HEATR5B: variants seen among roughly 807,000 people sequenced by gnomAD.
The protein encoded by HEATR5B is HEAT repeat containing 5B.
A neutral mutation model predicts 224.1 loss-of-function variants in HEATR5B; 156 were observed. That is an observed-to-expected ratio of 0.70 (90% confidence interval 0.61 to 0.80). The LOEUF is 0.80. HEATR5B is among the 30% of genes least tolerant of loss of function. The pLI, the probability that HEATR5B is intolerant of heterozygous loss-of-function variation, is 0.00. For missense variants in HEATR5B, 2,323 were observed against 2,535.5 expected (o/e 0.92, Z 1.80); for synonymous variants, 1,027 against 893.0 (o/e 1.15, Z -2.68).
intron 30 of HEATR5B, among the ~76,000 whole-genome samples, chr2:37,004,333 G>T (rs1244607649): frequency 6.7e-6 from 1 of 150,252 alleles, no homozygotes; most frequent in Non-Finnish European, 1.5e-5. Flanking sequence ...ACTTCCTAGG[G>T]ATTCTTCAAG....
At chr2:37,075,125 G>A (rs138764461) in intron 5 of HEATR5B, among the ~76,000 whole-genome samples, 49 of 152,250 alleles carry the variant, frequency 3.2e-4, no homozygotes, top group African/African-American at 1.2e-3. Flanking sequence ...GATGTTCACA[G>A]CAGTTTTTTT....
chr2:36,996,281 G>C (rs1666700015), intron 33 of HEATR5B, among the ~76,000 whole-genome samples: 1 of 151,738 alleles, frequency 6.6e-6, no homozygotes, highest in Non-Finnish European at 1.5e-5. Flanking sequence ...GGCTGGTCTT[G>C]AACTCCTGCC....
chr2:37,014,854 G>A (rs1558733695), intron 26 of HEATR5B, among the ~76,000 whole-genome samples: 1 of 151,960 alleles, frequency 6.6e-6, no homozygotes, highest in African/African-American at 2.4e-5. Context: ...ATGGTGGCGT[G>A]TGTCTGTAAT....
chr2:37,064,997 A>G lies in HEATR5B; in HGVS notation c.1334-7T>C, dbSNP rs778014715. On this transcript the variant is annotated splice_polypyrimidine_tract_variant and splice_region_variant and intron_variant, in intron 9 of 35. Transcript: ENST00000233099. ...GTCACAATCTCCAAAAGCCCTAAACAAGAAATACTCAAAATATTACTCTTT... is the reference window on the plus strand; with the variant it reads ...GTCACAATCTCCAAAAGCCCTAAACGAGAAATACTCAAAATATTACTCTTT... 11 of 1,612,784 alleles carry G rather than the reference A, an allele frequency of 6.8e-6. No homozygotes were observed. In the East Asian group the frequency reaches 2.2e-4, roughly 33 times the overall value.
chr2:37,064,279 G>GTTTTTT (rs1168347754), intron 10 of HEATR5B, among the ~76,000 whole-genome samples: 1 of 127,134 alleles, frequency 7.9e-6, no homozygotes, highest in Non-Finnish European at 1.7e-5. Flanking sequence ...CTAAGGTTGG[G>GTTTTTT]TTTTTTTTTT....
chr2:37,044,108 T>G (rs1447363792), intron 18 of HEATR5B, among the ~76,000 whole-genome samples: 2 of 152,162 alleles, frequency 1.3e-5, no homozygotes, highest in African/African-American at 4.8e-5. Flanking sequence ...TTGAACTAAG[T>G]CTTCAAAATC....
chr2:37,050,685 T>C (rs1670482745), intron 17 of HEATR5B, among the ~76,000 whole-genome samples: 1 of 152,108 alleles, frequency 6.6e-6, no homozygotes, highest in African/African-American at 2.4e-5. Flanking sequence ...ACTGAATAGT[T>C]TATATAAAAA....
chr2:37,067,981 T>C (rs902498534), intron 8 of HEATR5B, among the ~76,000 whole-genome samples: 2 of 152,120 alleles, frequency 1.3e-5, no homozygotes, highest in East Asian at 3.8e-4. Context: ...TTAAAGTTAG[T>C]ATAGTGAAAT....
chr2:37,061,924 C>A lies in HEATR5B; in HGVS notation c.1696+15G>T. 6.5e-7 allele frequency: 1 copy of A among 1,535,326 alleles called. No homozygotes were observed. The highest frequency in any genetic ancestry group is 1.7e-5 in the Admixed American group (1 of 59,434). On this transcript the variant is annotated intron_variant, in intron 11 of 35. Coordinates refer to ENST00000233099, the MANE Select transcript of HEATR5B (RefSeq NM_019024.3). ...GTTATAGCGTGACAAAAATCCTACTCAAATATAATTATACCTAAAGTCATA... is the reference window on the plus strand; with the variant it reads ...GTTATAGCGTGACAAAAATCCTACTAAAATATAATTATACCTAAAGTCATA...
intron 9 of HEATR5B, 102 bp from the exon 10 acceptor site, chr2:37,065,092 G>A: frequency 5.1e-6 from 6 of 1,183,796 alleles, no homozygotes; most frequent in Non-Finnish European, 7.2e-6. Flanking sequence ...CAATCACCAA[G>A]CTTTCACACA....
rs773424300 is a variant in HEATR5B at position 37,000,790 on chromosome 2, T to C, written c.5341A>G (p.Ile1781Val). The change falls in exon 33 of 36, where the codon ATT becomes GTT. Residue 1781 changes from isoleucine to valine, a missense_variant. Ile to Val is a conservative substitution (Grantham distance 29). This residue lies in a region of HEATR5B where 844 missense variants were observed against 812.9 expected (regional missense o/e 1.04). Transcript: ENST00000233099. ...PAGCMTILPTILFLIARILKD... is the reference protein window; with the variant it reads ...PAGCMTILPTVLFLIARILKD... Reference sequence around the variant, plus strand: ...AATATTCTTGCAATTAAGAACAGAATTGTGGGCAGGATTGTCATACATCCT... The same window carrying C: ...AATATTCTTGCAATTAAGAACAGAACTGTGGGCAGGATTGTCATACATCCT... The C allele has an allele frequency of 4.6e-5, 75 of 1,613,620 alleles. No individual in the cohort carries two copies. Among genetic ancestry groups the C allele is most frequent in the South Asian group, 2.3e-4 (21 of 91,082 alleles).
rs534974105 is a variant in HEATR5B, at chr2:36,982,336, T to C, written c.5912-542A>G. 2.3e-4 allele frequency among the ~76,000 whole-genome samples: 33 copies of C among 143,682 alleles called. No homozygotes were observed. In the South Asian group the frequency reaches 8.0e-3, roughly 35 times the overall value. 94.3% of individuals were successfully genotyped at this position (143,682 alleles called of 152,430 possible). ...GCTTAGGGTTAAAAAAACAAGAACCTATGTCCGACTGATATAAATTCCAAG... is the reference window on the plus strand; with the variant it reads ...GCTTAGGGTTAAAAAAACAAGAACCCATGTCCGACTGATATAAATTCCAAG... On this transcript the variant is annotated intron_variant, in intron 35 of 35. Coordinates refer to ENST00000233099, the MANE Select transcript of HEATR5B (RefSeq NM_019024.3).
Position 37,032,667 on chromosome 2 carries a change from A to G in HEATR5B, c.3323T>C (p.Leu1108Pro). Reference sequence around the variant, plus strand: ...CTCTTTGTCCCCTGTATTTTTTGCCAGGCTCATGGCATATTCACATACTTC... The same window carrying G: ...CTCTTTGTCCCCTGTATTTTTTGCCGGGCTCATGGCATATTCACATACTTC... ...AAEVCEYAMS[L>P]AKNTGDKESS... is the part of the protein sequence containing the mutation. The change falls in exon 22 of 36, where the codon CTG becomes CCG. Residue 1108 changes from leucine (L) to proline (P), a missense_variant. Transcript: ENST00000233099. 1 of 1,613,680 alleles carries G rather than the reference A, an allele frequency of 6.2e-7. No homozygotes were observed. The highest frequency in any genetic ancestry group is 8.5e-7 in the Non-Finnish European group (1 of 1,179,890).
chr2:37,038,728 T>A (rs1156951028), intron 20 of HEATR5B, among the ~76,000 whole-genome samples: 2 of 151,882 alleles, frequency 1.3e-5, no homozygotes, highest in African/African-American at 4.8e-5. Context: ...ACGAATCACC[T>A]GAGGTCAGGA....
At chr2:37,011,950 A>T (rs1667814630) in intron 27 of HEATR5B, among the ~76,000 whole-genome samples, 1 of 152,218 alleles carries the variant, frequency 6.6e-6, no homozygotes, top group East Asian at 1.9e-4. Flanking sequence ...AGACACTGCC[A>T]AATGCTTTCT....
rs1220413737 is a variant in HEATR5B at position 37,079,328 on chromosome 2, C to A, written c.130G>T (p.Asp44Tyr). ...DKVLVAANKT[D>Y]VKEKQKKLVE... ...AGTTTTTTCTGTTTTTCCTTTACAT[C>A]GGTCTGTTACAAAAAAAATTTTTAA... The change falls in exon 3 of 36, where the codon GAT (aspartate) becomes TAT (tyrosine). Residue 44 changes from aspartate to tyrosine, a missense_variant. Coordinates refer to ENST00000233099, the MANE Select transcript of HEATR5B (RefSeq NM_019024.3). 1.9e-6 allele frequency: 3 copies of A among 1,563,970 alleles called. No homozygotes were observed. Among genetic ancestry groups the A allele is most frequent in the Non-Finnish European group, 8.6e-7 (1 of 1,159,792 alleles).
At position 37,008,732 on chromosome 2, in the gene HEATR5B, A is replaced by C. The variant is rs763410173; in HGVS notation, c.4401T>G (p.Asp1467Glu). The C allele has an allele frequency of 3.7e-6, 6 of 1,613,648 alleles. No individual in the cohort carries two copies. Among genetic ancestry groups the C allele is most frequent in the Non-Finnish European group, 5.1e-6 (6 of 1,179,550 alleles). ...DCGTIDELPP[D>E]SLITLVQPEL... ...CAGGTTGTACCAGTGTTATTAAACT[A>C]TCTGGTGGCAGTTCATCGATGGTAC... The change falls in exon 28 of 36, where the codon GAT becomes GAG. Residue 1467 changes from aspartate to glutamate, a missense_variant. By Grantham distance (45) the Asp-to-Glu change is conservative. Around this residue, in one of 12 missense-constraint regions of HEATR5B, gnomAD observed 844 missense variants for 812.9 expected, o/e 1.04. Transcript: ENST00000233099.
chr2:36,988,867 A>C lies in HEATR5B; in HGVS notation c.5698-8T>G. 1.3e-6 allele frequency: 2 copies of C among 1,593,796 alleles called. No homozygotes were observed. The highest frequency in any genetic ancestry group is 1.7e-6 in the Non-Finnish European group (2 of 1,161,632). ...GTAACATTTGGCTTGAACCTATATAAGAAGAACATATTATCAATTAACATG... is the reference window on the plus strand; with the variant it reads ...GTAACATTTGGCTTGAACCTATATACGAAGAACATATTATCAATTAACATG... On this transcript the variant is annotated splice_polypyrimidine_tract_variant and splice_region_variant and intron_variant, in intron 34 of 35. Transcript: ENST00000233099.
intron 35 of HEATR5B, among the ~76,000 whole-genome samples, chr2:36,985,162 T>C (rs930667867): frequency 6.6e-6 from 1 of 152,200 alleles, no homozygotes. Flanking sequence ...TGGAATCATG[T>C]AACTATGTAA....
Sources: allele counts gnomAD v4.1 joint callset (sites outside exome capture counted in the v4.1 genomes callset), GRCh38; gene constraint gnomAD v4.1.1; regional missense constraint gnomAD v4.1.1; transcripts MANE v1.5; gene names NCBI Gene and HGNC (gene_info 2026-07-23, HGNC 2026-07-21).